MGAT4C: variants seen among roughly 807,000 people sequenced by gnomAD.
MGAT4C encodes the protein MGAT4 family member C.
MGAT4C carries 19 observed loss-of-function variants against 40.1 expected under a neutral mutation model. That is an observed-to-expected ratio of 0.47 (90% confidence interval 0.33 to 0.70). The LOEUF is 0.70. Ranked by LOEUF, MGAT4C falls within the 30% of genes least tolerant of loss-of-function variation. The pLI, the probability that MGAT4C is intolerant of heterozygous loss-of-function variation, is 0.02. For synonymous variants in MGAT4C, 181 were observed against 187.1 expected, an observed-to-expected ratio of 0.97 and a Z score of 0.27; for missense variants, 491 against 563.2, an observed-to-expected ratio of 0.87 and a Z score of 1.30.
At chr12:86,803,249 T>C (rs1285731620) in intron 1 of MGAT4C, among the ~76,000 whole-genome samples, 2 of 150,898 alleles carry the variant, frequency 1.3e-5, no homozygotes, top group Non-Finnish European at 3.0e-5. Flanking sequence ...CCTTACACCT[T>C]ATACAAAAAT....
intron 1 of MGAT4C, among the ~76,000 whole-genome samples, chr12:86,746,729 C>T (rs1016032794): frequency 3.3e-5 from 5 of 151,646 alleles, no homozygotes; most frequent in African/African-American, 9.7e-5. Context: ...CAGTCCTTCA[C>T]CTCCATAGAC....
chr12:86,593,528 C>T (rs1961414646), intron 2 of MGAT4C, among the ~76,000 whole-genome samples: 2 of 152,070 alleles, frequency 1.3e-5, no homozygotes, highest in Admixed American at 6.6e-5. Context: ...TCCCTCTAAG[C>T]ACTGCTGTAG....
chr12:86,701,622 G>T (rs949317143), intron 2 of MGAT4C, among the ~76,000 whole-genome samples: 1 of 152,064 alleles, frequency 6.6e-6, no homozygotes, highest in Non-Finnish European at 1.5e-5. Flanking sequence ...ACCCTATAAT[G>T]ATCTCTAAGG....
chr12:86,182,840 C>T (rs939889580), intron 1 of MGAT4C, among the ~76,000 whole-genome samples: 7 of 152,090 alleles, frequency 4.6e-5, no homozygotes, highest in Admixed American at 2.6e-4. Flanking sequence ...TAAATCCTCA[C>T]CATCATGTAG....
chr12:86,514,865 C>G (rs1958656599), intron 2 of MGAT4C, among the ~76,000 whole-genome samples: 1 of 152,174 alleles, frequency 6.6e-6, no homozygotes, highest in African/African-American at 2.4e-5. Flanking sequence ...ATCATAATCT[C>G]TAGTAGTCAG....
chr12:86,465,812 G>C lies in MGAT4C; in HGVS notation c.-228-30547C>G, dbSNP rs147307876. 2.4e-3 allele frequency among the ~76,000 whole-genome samples: 373 copies of C among 152,268 alleles called. 3 individuals are homozygous for C. Among genetic ancestry groups the C allele is most frequent in the African/African-American group, 8.5e-3 (354 of 41,568 alleles). On this transcript the variant is annotated intron_variant, in intron 2 of 7. Coordinates refer to the MGAT4C transcript ENST00000548651. ...CAAAATTGTACAGCATTTTGGAAGA[G>C]AGTTTGGCAATTTTTGGTAAAACTA...
intron 2 of MGAT4C, among the ~76,000 whole-genome samples, chr12:86,042,926 T>C (rs989038771): frequency 2.6e-5 from 4 of 151,050 alleles, no homozygotes; most frequent in African/African-American, 9.7e-5. Flanking sequence ...TTCTGGCTTA[T>C]AGGGTTTCTG....
intron 1 of MGAT4C, among the ~76,000 whole-genome samples, chr12:86,829,944 A>G (rs1338134624): frequency 6.6e-6 from 1 of 150,952 alleles, no homozygotes; most frequent in East Asian, 1.9e-4. Flanking sequence ...TTACATTTAT[A>G]TAATAAAAAA....
intron 1 of MGAT4C, among the ~76,000 whole-genome samples, chr12:86,064,629 C>T (rs887314603): frequency 3.3e-5 from 5 of 152,080 alleles, no homozygotes; most frequent in Non-Finnish European, 4.4e-5. Flanking sequence ...CTAAAATTGA[C>T]ACCCTAACAT....
At chr12:86,279,067 C>G (rs1293237710) in intron 4 of MGAT4C, among the ~76,000 whole-genome samples, 1 of 151,192 alleles carries the variant, frequency 6.6e-6, no homozygotes, top group African/African-American at 2.4e-5. Context: ...CTGTTTTTGC[C>G]TCAATGTTTA....
At chr12:86,052,748 G>GA (rs894802860) in intron 1 of MGAT4C, among the ~76,000 whole-genome samples, 24 of 150,494 alleles carry the variant, frequency 1.6e-4, no homozygotes, top group East Asian at 5.8e-4. Flanking sequence ...GAATCTTACA[G>GA]AAAAAAAAAT....
At chr12:86,757,896 C>T (rs1041422722) in intron 1 of MGAT4C, among the ~76,000 whole-genome samples, 1 of 152,106 alleles carries the variant, frequency 6.6e-6, no homozygotes, top group Non-Finnish European at 1.5e-5. Context: ...TTCTTATGTC[C>T]TCTCTGGGTC....
At chr12:86,444,989 C>T (rs1957307869) in intron 2 of MGAT4C, among the ~76,000 whole-genome samples, 1 of 152,160 alleles carries the variant, frequency 6.6e-6, no homozygotes, top group Non-Finnish European at 1.5e-5. Context: ...TCCATAGTGA[C>T]AGAAAGCAGA....
chr12:86,589,939 T>A (rs573550738), intron 2 of MGAT4C, among the ~76,000 whole-genome samples: 1 of 152,030 alleles, frequency 6.6e-6, no homozygotes, highest in Non-Finnish European at 1.5e-5. Flanking sequence ...TGCGTTTCAT[T>A]ATTCAAATTA....
intron 1 of MGAT4C, among the ~76,000 whole-genome samples, chr12:86,059,227 A>T (rs1363210147): frequency 1.3e-5 from 2 of 152,030 alleles, no homozygotes; most frequent in African/African-American, 4.8e-5. Flanking sequence ...TTGTATTTTT[A>T]GTAGAGATGG....
chr12:86,819,522 A>G (rs1952669357), intron 1 of MGAT4C, among the ~76,000 whole-genome samples: 1 of 151,012 alleles, frequency 6.6e-6, no homozygotes, highest in Non-Finnish European at 1.5e-5. Flanking sequence ...GGCAGTCAAT[A>G]AGTGGTGTAT....
Position 86,265,999 on chromosome 12 carries a change from A to T in MGAT4C, c.-57+68066T>A, listed in dbSNP as rs926923394. 2.0e-5 allele frequency among the ~76,000 whole-genome samples: 3 copies of T among 152,288 alleles called. No individual in the cohort carries two copies. The Middle Eastern group carries it at 0.01, about 518-fold the overall frequency. On this transcript the variant is annotated intron_variant, in intron 4 of 7. Coordinates refer to the MGAT4C transcript ENST00000548651. ...TTTGTATGCTTTTTTGTATCCTTCA[A>T]GTTTACTGAATTCATTTATCAAATT...
At chr12:86,233,781 T>C (rs1951423548) in intron 1 of MGAT4C, among the ~76,000 whole-genome samples, 1 of 152,212 alleles carries the variant, frequency 6.6e-6, no homozygotes, top group Non-Finnish European at 1.5e-5. Flanking sequence ...ATCCTCTATG[T>C]TTCCTTGTGA....
chr12:86,778,143 A>C (rs1951775613), intron 1 of MGAT4C, among the ~76,000 whole-genome samples: 2 of 152,140 alleles, frequency 1.3e-5, no homozygotes, highest in Non-Finnish European at 2.9e-5. Context: ...AATGAGGATA[A>C]TACTCTCGTA....
Sources: allele counts gnomAD v4.1 joint callset (sites outside exome capture counted in the v4.1 genomes callset), GRCh38; gene constraint gnomAD v4.1.1; transcripts MANE v1.5; gene names NCBI Gene and HGNC (gene_info 2026-07-23, HGNC 2026-07-21).